The following CTNNA2 variants were observed in gnomAD, a reference collection of about 807,000 sequenced individuals.
The protein encoded by CTNNA2 is catenin alpha 2, also known as catenin alpha-2.
A neutral mutation model predicts 101.0 loss-of-function variants in CTNNA2; 42 were observed. The ratio of observed to expected loss-of-function variants is 0.42; its 90% CI spans 0.32 to 0.54. The LOEUF (loss-of-function observed/expected upper bound fraction) is 0.54. Among genes scored for constraint, CTNNA2 ranks in the 20% least tolerant of loss-of-function variants. The pLI, the probability that CTNNA2 is intolerant of heterozygous loss-of-function variation, is 0.14. For synonymous variants in CTNNA2, 450 were observed against 456.4 expected, an observed-to-expected ratio of 0.99 and a Z score of 0.18; for missense variants, 871 against 1,223.1, an observed-to-expected ratio of 0.71 and a Z score of 4.29.
intron 12 of CTNNA2, among the ~76,000 whole-genome samples, chr2:80,568,011 G>A (rs1481754630): frequency 6.6e-6 from 1 of 152,056 alleles, no homozygotes; most frequent in East Asian, 1.9e-4. Context: ...TTGGATGACT[G>A]CATCACCACA....
chr2:79,296,269 T>C (rs901202606), intron 2 of CTNNA2, among the ~76,000 whole-genome samples: 1 of 152,286 alleles, frequency 6.6e-6, no homozygotes, highest in South Asian at 2.1e-4. Context: ...TGCCAAATTA[T>C]CTAACTCTTG....
At chr2:79,301,363 T>C (rs1239223108) in intron 2 of CTNNA2, among the ~76,000 whole-genome samples, 1 of 152,184 alleles carries the variant, frequency 6.6e-6, no homozygotes, top group Non-Finnish European at 1.5e-5. Flanking sequence ...TAAGAGCAGA[T>C]GTCCAAGGCC....
chr2:80,009,920 G>A lies in CTNNA2; in HGVS notation c.1056+100123G>A, dbSNP rs183574260. On this transcript the variant is annotated intron_variant, in intron 7 of 18. Coordinates refer to ENST00000402739, the MANE Select transcript of CTNNA2 (RefSeq NM_001282597.3). ...TGGGAAACAGACCGTCCTAGGTTCA[G>A]ATGTTGGCTTTGTTACTTTACAAGT... Among the ~76,000 whole-genome samples, 916 of 152,278 alleles carry A rather than the reference G, an allele frequency of 6.0e-3. 6 individuals carry two copies. Among genetic ancestry groups the A allele is most frequent in the Non-Finnish European group, 9.9e-3 (676 of 68,016 alleles).
intron 3 of CTNNA2, among the ~76,000 whole-genome samples, chr2:79,333,294 G>A (rs1186457614): frequency 1.3e-5 from 2 of 152,120 alleles, no homozygotes; most frequent in African/African-American, 2.4e-5. Flanking sequence ...CTCAATTTAA[G>A]CAAGACTGTG....
chr2:79,938,003 G>T (rs1206473038), intron 7 of CTNNA2, among the ~76,000 whole-genome samples: 1 of 152,128 alleles, frequency 6.6e-6, no homozygotes, highest in East Asian at 1.9e-4. Context: ...TAAACTCTAT[G>T]TTACTCAGAT....
intron 6 of CTNNA2, among the ~76,000 whole-genome samples, chr2:79,901,786 T>C (rs548249239): frequency 6.6e-6 from 1 of 152,350 alleles, no homozygotes; most frequent in South Asian, 2.1e-4. Flanking sequence ...GGTAAAACCA[T>C]TGAATTAGTG....
At chr2:80,128,706 C>G (rs1279704136) in intron 7 of CTNNA2, among the ~76,000 whole-genome samples, 1 of 152,126 alleles carries the variant, frequency 6.6e-6, no homozygotes, top group Non-Finnish European at 1.5e-5. Flanking sequence ...TCTCTATAAG[C>G]TCAGGGAGTC....
chr2:80,042,047 C>A lies in CTNNA2; in HGVS notation c.1056+132250C>A, dbSNP rs991771181. Among the ~76,000 whole-genome samples, 6 of 152,210 alleles carry A rather than the reference C, an allele frequency of 3.9e-5. No homozygotes were observed. In the East Asian group the frequency reaches 1.2e-3, roughly 29 times the overall value. The stretch of plus-strand genomic sequence containing the variant: ...TGGCATGATCTCGGCTCACTGCAAC[C>A]TTCACCTCCCAGGTTCAAGCAGTTC... On this transcript the variant is annotated intron_variant, in intron 7 of 18. Coordinates refer to ENST00000402739, the MANE Select transcript of CTNNA2 (RefSeq NM_001282597.3).
In CTNNA2 at chr2:80,310,928, G is replaced by A. The variant is rs558487297; in HGVS notation, c.1057-82283G>A. On this transcript the variant is annotated intron_variant, in intron 7 of 18. Transcript: ENST00000402739. ...GCGGATGTTGCAGTGATCTGAGATCGCGCTACTGCACTCCAGCCTGGGTGA... is the reference window on the plus strand; with the variant it reads ...GCGGATGTTGCAGTGATCTGAGATCACGCTACTGCACTCCAGCCTGGGTGA... Among the ~76,000 whole-genome samples the A allele has an allele frequency of 1.5e-4, 22 of 148,058 alleles. No homozygotes were observed. In the East Asian group the frequency reaches 1.8e-3, roughly 12 times the overall value.
chr2:79,755,758 A>C (rs1672355235), intron 3 of CTNNA2, among the ~76,000 whole-genome samples: 1 of 152,214 alleles, frequency 6.6e-6, no homozygotes, highest in African/African-American at 2.4e-5. Flanking sequence ...CGTTATCAAC[A>C]TCATTTTAAT....
chr2:80,087,337 C>G (rs1377658225), intron 7 of CTNNA2, among the ~76,000 whole-genome samples: 1 of 152,044 alleles, frequency 6.6e-6, no homozygotes, highest in African/African-American at 2.4e-5. Flanking sequence ...ATATTATATA[C>G]TGAGAAAACA....
chr2:79,253,645 G>A (rs2104275836), intron 2 of CTNNA2, among the ~76,000 whole-genome samples: 1 of 152,308 alleles, frequency 6.6e-6, no homozygotes, highest in African/African-American at 2.4e-5. Context: ...GGGAAACAGA[G>A]GGACAGCAAG....
intron 15 of CTNNA2, among the ~76,000 whole-genome samples, chr2:80,593,385 T>C (rs1189325470): frequency 6.6e-6 from 1 of 152,126 alleles, no homozygotes. Flanking sequence ...GCTATTTGTT[T>C]CTTGTTTCAG....
At position 80,447,446 on chromosome 2, in the gene CTNNA2, T is replaced by C. The variant is rs563504336; in HGVS notation, c.1290+27845T>C. ...TAGAAGCAAGCTTCTTGGTATGGGG[T>C]TGTTGTGTTATTTCTCTTACTCTAG... is the stretch of plus-strand genomic sequence containing the variant. On this transcript the variant is annotated intron_variant, in intron 9 of 18. Transcript: ENST00000402739. Among the ~76,000 whole-genome samples the C allele has an allele frequency of 1.3e-3, 205 of 152,132 alleles. 1 individual carries two copies. The highest frequency in any genetic ancestry group is 4.6e-3 in the African/African-American group (190 of 41,514).
chr2:80,452,145 G>A (rs1683571356), intron 9 of CTNNA2, among the ~76,000 whole-genome samples: 1 of 152,098 alleles, frequency 6.6e-6, no homozygotes, highest in Admixed American at 6.5e-5. Flanking sequence ...TTTTACAGAT[G>A]AGGCAGCTGA....
intron 4 of CTNNA2, among the ~76,000 whole-genome samples, chr2:79,465,125 T>C (rs1425288122): frequency 1.3e-5 from 2 of 152,226 alleles, no homozygotes; most frequent in African/African-American, 4.8e-5. Flanking sequence ...AGGTCTAACA[T>C]GTAAGTCTTT....
intron 2 of CTNNA2, among the ~76,000 whole-genome samples, chr2:79,216,687 G>A (rs1480896388): frequency 1.3e-5 from 2 of 150,728 alleles, no homozygotes; most frequent in East Asian, 3.9e-4. Flanking sequence ...GTGGCTAAGG[G>A]TGAAGGAGAA....
intron 2 of CTNNA2, among the ~76,000 whole-genome samples, chr2:79,298,654 C>T (rs1481236187): frequency 6.6e-6 from 1 of 152,020 alleles, no homozygotes; most frequent in Non-Finnish European, 1.5e-5. Flanking sequence ...ATACATAATC[C>T]CTCTTTTATA....
At chr2:80,449,952 C>T (rs922560018) in intron 9 of CTNNA2, among the ~76,000 whole-genome samples, 5 of 152,118 alleles carry the variant, frequency 3.3e-5, no homozygotes, top group Admixed American at 1.3e-4. Flanking sequence ...TGTGAAATAA[C>T]GTGATTGTGG....
Sources: allele counts gnomAD v4.1 joint callset (sites outside exome capture counted in the v4.1 genomes callset), GRCh38; gene constraint gnomAD v4.1.1; transcripts MANE v1.5; gene names NCBI Gene and HGNC (gene_info 2026-07-23, HGNC 2026-07-21).